Variants in CDH1 observed in about 807,000 individuals in gnomAD.
CDH1 encodes the protein cadherin-1.
In CDH1, 35 loss-of-function variants were observed where a neutral mutation model predicts 84.5. The observed-to-expected ratio is 0.41, with a 90% CI of 0.32 to 0.55. The LOEUF (loss-of-function observed/expected upper bound fraction) is 0.55. Among genes scored for constraint, CDH1 ranks in the 20% least tolerant of loss-of-function variants. CDH1 has a pLI of 0.19. For missense variants in CDH1, 994 were observed against 1,126.6 expected (o/e 0.88, Z 1.68); for synonymous variants, 417 against 439.0 (o/e 0.95, Z 0.63).
At chr16:68,752,417 G>C (rs914417191) in intron 2 of CDH1, among the ~76,000 whole-genome samples, 1 of 152,162 alleles carries the variant, frequency 6.6e-6, no homozygotes, top group African/African-American at 2.4e-5. Flanking sequence ...GGAGGCCAGG[G>C]ATTTTTAATG....
chr16:68,811,614 G>A (rs1224633060), intron 6 of CDH1, 70 bp from the exon 7 acceptor site: 3 of 1,356,532 alleles, frequency 2.2e-6, no homozygotes, highest in Non-Finnish European at 3.2e-6. Flanking sequence ...GGGCAGAATT[G>A]GATTAAGCAG....
At chr16:68,815,424 T>G in intron 9 of CDH1, 91 bp from the exon 10 acceptor site, 1 of 1,539,556 alleles carries the variant, frequency 6.5e-7, no homozygotes, top group Non-Finnish European at 8.9e-7. Context: ...ACCTAATATA[T>G]TACCAAAAGC....
rs1157074539 is a variant in CDH1, at chr16:68,831,069, C to CTTTT, written c.2439+1296_2439+1299dup. Among the ~76,000 whole-genome samples the CTTTT allele has an allele frequency of 1.2e-3, 100 of 80,292 alleles. 7 individuals are homozygous for CTTTT. Among genetic ancestry groups the CTTTT allele is most frequent in the Non-Finnish European group, 1.3e-3 (54 of 40,080 alleles). 52.7% of individuals were successfully genotyped at this position (80,292 alleles called of 152,430 possible). A position where few individuals can be genotyped will look rare whatever the true frequency, so the allele number is the denominator to read the frequency against. ...TGAGGTCTGTGTTTGCTTTAGCTTT[C>CTTTT]TTTTTTTTTTTTTTTTTTTTTTTTT... On this transcript the variant is annotated intron_variant, in intron 15 of 15. Transcript: ENST00000261769.
intron 12 of CDH1, among the ~76,000 whole-genome samples, 177 bp downstream of exon 12, chr16:68,822,402 G>A (rs1934616064): frequency 6.6e-6 from 1 of 151,822 alleles, no homozygotes; most frequent in Admixed American, 6.6e-5. Context: ...TTCCTTTCCT[G>A]GTATCTAACT....
intron 15 of CDH1, among the ~76,000 whole-genome samples, chr16:68,832,501 T>C (rs1041631954): frequency 1.3e-5 from 2 of 151,316 alleles, no homozygotes; most frequent in Non-Finnish European, 2.9e-5. Flanking sequence ...ATAAATATAC[T>C]TTATTTATTT....
At chr16:68,778,422 C>A (rs1375935220) in intron 2 of CDH1, among the ~76,000 whole-genome samples, 1 of 152,170 alleles carries the variant, frequency 6.6e-6, no homozygotes, top group Admixed American at 6.5e-5. Context: ...CAACAGGGAA[C>A]AAATCATCAT....
intron 2 of CDH1, among the ~76,000 whole-genome samples, chr16:68,769,511 G>A (rs1290728464): frequency 2.0e-5 from 3 of 149,484 alleles, no homozygotes; most frequent in African/African-American, 7.4e-5. Context: ...GTCTCACTAT[G>A]TTGCCCAGGC....
At chr16:68,791,258 T>C (rs2152123697) in intron 2 of CDH1, among the ~76,000 whole-genome samples, 1 of 152,264 alleles carries the variant, frequency 6.6e-6, no homozygotes, top group Middle Eastern at 3.4e-3. Context: ...AGCACACAGC[T>C]CCAAGCTGGG....
At position 68,740,493 on chromosome 16, in the gene CDH1, C is replaced by T. The variant is rs146280183; in HGVS notation, c.163+2082C>T. 1.4e-4 allele frequency among the ~76,000 whole-genome samples: 22 copies of T among 151,956 alleles called. No homozygotes were observed. The East Asian group carries it at 3.9e-3, about 27-fold the overall frequency. On this transcript the variant is annotated intron_variant, in intron 2 of 15. Coordinates refer to ENST00000261769, the MANE Select transcript of CDH1 (RefSeq NM_004360.5). ...CAGTGGGCATTGAGGAGTGGCTTCT[C>T]GGGGAAGGCAAACTTGATCCAGTCT...
At chr16:68,751,984 C>T (rs1438540342) in intron 2 of CDH1, among the ~76,000 whole-genome samples, 4 of 144,968 alleles carry the variant, frequency 2.8e-5, no homozygotes, top group Non-Finnish European at 6.0e-5. Context: ...GGAGTCTCAA[C>T]TCTGTCACCC....
chr16:68,820,729 A>G (rs1476753455), intron 11 of CDH1, among the ~76,000 whole-genome samples: 1 of 152,144 alleles, frequency 6.6e-6, no homozygotes, highest in East Asian at 1.9e-4. Flanking sequence ...GTTAGGTGTT[A>G]AATCAGTTAG....
intron 2 of CDH1, among the ~76,000 whole-genome samples, chr16:68,788,032 G>A (rs1393626759): frequency 3.9e-5 from 6 of 151,918 alleles, no homozygotes; most frequent in South Asian, 2.1e-4. Flanking sequence ...TCACCATGTT[G>A]GCCAGGCCTG....
At chr16:68,773,637 C>A (rs183890140) in intron 2 of CDH1, among the ~76,000 whole-genome samples, 9 of 152,350 alleles carry the variant, frequency 5.9e-5, no homozygotes, top group Admixed American at 3.3e-4. Context: ...CACATTGAAA[C>A]ACATTTGCAT....
intron 2 of CDH1, among the ~76,000 whole-genome samples, chr16:68,755,601 AT>A (rs1453737015): frequency 2.0e-5 from 3 of 151,646 alleles, no homozygotes; most frequent in Admixed American, 1.3e-4. Flanking sequence ...CATCTCCTTC[AT>A]TTTTTATTTA....
chr16:68,773,807 A>G (rs1316221469), intron 2 of CDH1, among the ~76,000 whole-genome samples: 1 of 152,374 alleles, frequency 6.6e-6, no homozygotes, highest in South Asian at 2.1e-4. Context: ...CCTGTGTGCC[A>G]CAGGGCTCTT....
intron 2 of CDH1, among the ~76,000 whole-genome samples, chr16:68,770,037 C>T (rs1004959011): frequency 4.0e-5 from 6 of 151,472 alleles, no homozygotes; most frequent in South Asian, 4.2e-4. Context: ...GTCATGCCCC[C>T]GGTTGTTTTC....
At chr16:68,813,065 C>T (rs1208297322) in intron 8 of CDH1, among the ~76,000 whole-genome samples, 2 of 151,844 alleles carry the variant, frequency 1.3e-5, no homozygotes, top group Non-Finnish European at 2.9e-5. Flanking sequence ...AGCTTGCTTT[C>T]AGTTAGCCAG....
chr16:68,776,617 C>G (rs1332446910), intron 2 of CDH1, among the ~76,000 whole-genome samples: 3 of 152,086 alleles, frequency 2.0e-5, no homozygotes. Context: ...TATCCTCCTA[C>G]CTTGGCTTTT....
At chr16:68,753,434 C>A (rs750868803) in intron 2 of CDH1, among the ~76,000 whole-genome samples, 35 of 151,574 alleles carry the variant, frequency 2.3e-4, no homozygotes, top group Non-Finnish European at 5.0e-4. Flanking sequence ...GCAACCTCTG[C>A]CTCCCAGGTT....
Sources: allele counts gnomAD v4.1 joint callset (sites outside exome capture counted in the v4.1 genomes callset), GRCh38; gene constraint gnomAD v4.1.1; transcripts MANE v1.5; gene names NCBI Gene and HGNC (gene_info 2026-07-23, HGNC 2026-07-21).